The following ADARB2 variants were observed in gnomAD, a reference collection of about 807,000 sequenced individuals.
The protein encoded by ADARB2 is inactive double-stranded RNA-specific editase B2.
ADARB2 carries 25 observed loss-of-function variants against 62.2 expected under a neutral mutation model. That is an observed-to-expected ratio of 0.40 (90% CI 0.29 to 0.56). The LOEUF is 0.56. ADARB2 is among the 20% of genes least tolerant of loss of function. The pLI is 0.43. For missense variants in ADARB2, 1,071 were observed against 1,077.4 expected, an observed-to-expected ratio of 0.99 and a Z score of 0.08; for synonymous variants, 572 against 500.8, an observed-to-expected ratio of 1.14 and a Z score of -1.90.
At chr10:1,648,538 G>A (rs1433858762) in intron 1 of ADARB2, among the ~76,000 whole-genome samples, 3 of 152,086 alleles carry the variant, frequency 2.0e-5, no homozygotes, top group Non-Finnish European at 2.9e-5. Flanking sequence ...CCCTGCCTAC[G>A]CTCGAGAACT....
chr10:1,582,944 C>G (rs1398006949), intron 1 of ADARB2, among the ~76,000 whole-genome samples: 1 of 152,224 alleles, frequency 6.6e-6, no homozygotes, highest in Non-Finnish European at 1.5e-5. Context: ...AGTCATGGGC[C>G]TGTCTTGGAA....
At chr10:1,542,705 TCACAG>T (rs1444596701) in intron 1 of ADARB2, among the ~76,000 whole-genome samples, 1 of 42,912 alleles carries the variant, frequency 2.3e-5, no homozygotes, top group African/African-American at 8.7e-5. Flanking sequence ...GGACCCTGGA[TCACAG>T]CCGTCCAGAC....
intron 3 of ADARB2, among the ~76,000 whole-genome samples, chr10:1,334,790 C>T (rs189537240): frequency 2.4e-4 from 37 of 152,272 alleles, no homozygotes; most frequent in Admixed American, 2.4e-3. Context: ...CTGTGTGTAG[C>T]TGGGCCATTG....
intron 3 of ADARB2, among the ~76,000 whole-genome samples, chr10:1,313,493 C>G (rs1245126126): frequency 6.6e-6 from 1 of 152,198 alleles, no homozygotes; most frequent in East Asian, 1.9e-4. Context: ...AGCGACTGTC[C>G]CTTTCAAGTG....
intron 8 of ADARB2, among the ~76,000 whole-genome samples, chr10:1,193,610 A>G (rs948027928): frequency 6.6e-6 from 1 of 152,226 alleles, no homozygotes; most frequent in Admixed American, 6.5e-5. Context: ...TTAAGCCCAG[A>G]TAACACATGG....
At chr10:1,715,643 G>C (rs1835007751) in intron 1 of ADARB2, among the ~76,000 whole-genome samples, 1 of 152,134 alleles carries the variant, frequency 6.6e-6, no homozygotes. Context: ...AAAATCATAT[G>C]CTAGTTCTTA....
At chr10:1,402,562 C>T (rs553521577) in intron 1 of ADARB2, among the ~76,000 whole-genome samples, 95 of 152,240 alleles carry the variant, frequency 6.2e-4, no homozygotes, top group African/African-American at 2.2e-3. Context: ...CAATCAAAGA[C>T]GGCTGATGGA....
intron 1 of ADARB2, among the ~76,000 whole-genome samples, chr10:1,666,595 A>G (rs989263485): frequency 1.4e-4 from 22 of 152,142 alleles, no homozygotes; most frequent in Non-Finnish European, 7.3e-5. Flanking sequence ...CCTGCAGCCG[A>G]GGGGGAATTC....
intron 1 of ADARB2, among the ~76,000 whole-genome samples, chr10:1,617,945 A>T (rs1833663375): frequency 6.6e-6 from 1 of 152,174 alleles, no homozygotes; most frequent in African/African-American, 2.4e-5. Flanking sequence ...TTCCCCTCCA[A>T]CTACAGATTT....
chr10:1,235,460 TCGGTGTTTACCCTCTGTCTCC>T (rs1830858492), intron 5 of ADARB2, among the ~76,000 whole-genome samples: 1 of 23,676 alleles, frequency 4.2e-5, no homozygotes, highest in East Asian at 7.4e-4. Flanking sequence ...ATTTCCTTCT[TCGGTGTTTACCCTCTGTCTCC>T]CGGTGTTTAC....
At chr10:1,490,432 T>G (rs1831604799) in intron 1 of ADARB2, among the ~76,000 whole-genome samples, 1 of 152,198 alleles carries the variant, frequency 6.6e-6, no homozygotes, top group Non-Finnish European at 1.5e-5. Flanking sequence ...TTTCTTTTAC[T>G]ACTGCTTTTA....
At chr10:1,253,573 G>C (rs1446597549) in intron 4 of ADARB2, among the ~76,000 whole-genome samples, 1 of 152,354 alleles carries the variant, frequency 6.6e-6, no homozygotes, top group East Asian at 1.9e-4. Context: ...TCAAGGGAAA[G>C]AGGATAAAAA....
chr10:1,527,779 G>A (rs1832168045), intron 1 of ADARB2, among the ~76,000 whole-genome samples: 1 of 152,190 alleles, frequency 6.6e-6, no homozygotes, highest in African/African-American at 2.4e-5. Context: ...CGTCCAGCGT[G>A]AGATATTTGA....
At chr10:1,576,395 A>T (rs79554578) in intron 1 of ADARB2, among the ~76,000 whole-genome samples, 41,854 of 148,050 alleles carry the variant, frequency 0.28, 6,276 homozygotes, top group South Asian at 0.34. Context: ...TCAGAGTCAC[A>T]GGAGGGGGCT....
intron 1 of ADARB2, chr10:1,394,798 G>T (rs1832597392): frequency 8.8e-6 from 4 of 456,272 alleles, no homozygotes; most frequent in Admixed American, 7.1e-5. Context: ...GAGCGTCTAA[G>T]GGGAGGAGCT....
intron 1 of ADARB2, among the ~76,000 whole-genome samples, chr10:1,380,087 C>T (rs572180587): frequency 3.9e-5 from 6 of 152,346 alleles, no homozygotes; most frequent in African/African-American, 1.4e-4. Flanking sequence ...TTGGTTCACA[C>T]GGCAGAACTC....
intron 1 of ADARB2, among the ~76,000 whole-genome samples, chr10:1,554,221 T>C (rs1832669476): frequency 6.6e-6 from 1 of 152,078 alleles, no homozygotes; most frequent in Non-Finnish European, 1.5e-5. Context: ...GCTACTCAGC[T>C]CTCCAGCATC....
intron 4 of ADARB2, 38 bp from the exon 5 acceptor site, chr10:1,242,337 G>A (rs893244302): frequency 1.1e-5 from 17 of 1,508,042 alleles, no homozygotes; most frequent in South Asian, 2.4e-5. Flanking sequence ...CGTGGCCCAC[G>A]GCCCCCGTCT....
chr10:1,228,207 T>C (rs1830765554), intron 6 of ADARB2, among the ~76,000 whole-genome samples: 1 of 152,220 alleles, frequency 6.6e-6, no homozygotes, highest in Non-Finnish European at 1.5e-5. Context: ...ACATCATCTA[T>C]TTTTCTTGGC....
Sources: allele counts gnomAD v4.1 joint callset (sites outside exome capture counted in the v4.1 genomes callset), GRCh38; gene constraint gnomAD v4.1.1; transcripts MANE v1.5; gene names NCBI Gene and HGNC (gene_info 2026-07-23, HGNC 2026-07-21).